KCNQ5: variants seen among roughly 807,000 people sequenced by gnomAD.
The protein encoded by KCNQ5 is potassium voltage-gated channel subfamily Q member 5, also known as potassium voltage-gated channel subfamily KQT member 5.
Under a neutral mutation model 98.2 loss-of-function variants are expected in KCNQ5, and 30 were observed. The observed-to-expected ratio is 0.31, with a 90% confidence interval of 0.23 to 0.41. The LOEUF is 0.41. Ranked by LOEUF, KCNQ5 falls within the 10% of genes least tolerant of loss-of-function variation. The pLI is 1.00. For missense variants in KCNQ5, 835 were observed against 1,182.5 expected, an observed-to-expected ratio of 0.71 and a Z score of 4.31; for synonymous variants, 458 against 449.4, an observed-to-expected ratio of 1.02 and a Z score of -0.24.
At chr6:72,938,635 T>C (rs1389741032) in intron 1 of KCNQ5, among the ~76,000 whole-genome samples, 1 of 152,184 alleles carries the variant, frequency 6.6e-6, no homozygotes, top group Non-Finnish European at 1.5e-5. Context: ...TCTCCCTGCC[T>C]TGGCCTCCCG....
At chr6:72,937,892 C>A (rs1766020319) in intron 1 of KCNQ5, among the ~76,000 whole-genome samples, 1 of 152,062 alleles carries the variant, frequency 6.6e-6, no homozygotes, top group Admixed American at 6.6e-5. Context: ...TAGTCTATCA[C>A]CCTAATTTGA....
intron 1 of KCNQ5, among the ~76,000 whole-genome samples, chr6:72,748,339 G>A (rs971367955): frequency 1.3e-5 from 2 of 152,036 alleles, no homozygotes; most frequent in African/African-American, 2.4e-5. Context: ...ACTGTGCCCT[G>A]GGTTCTTTTT....
chr6:72,793,070 G>C (rs1017975716), intron 1 of KCNQ5, among the ~76,000 whole-genome samples: 1 of 152,190 alleles, frequency 6.6e-6, no homozygotes, highest in Non-Finnish European at 1.5e-5. Flanking sequence ...AGAGCACATA[G>C]GAGATACATA....
intron 11 of KCNQ5, among the ~76,000 whole-genome samples, chr6:73,174,439 G>A (rs963491833): frequency 4.6e-5 from 7 of 152,252 alleles, no homozygotes; most frequent in Non-Finnish European, 7.4e-5. Context: ...TGCTCTTACC[G>A]TCTCTTACTA....
chr6:72,848,360 C>G (rs542526281), intron 1 of KCNQ5, among the ~76,000 whole-genome samples: 1 of 152,224 alleles, frequency 6.6e-6, no homozygotes, highest in Admixed American at 6.5e-5. Context: ...CTCCTCATCC[C>G]CCTACCCCCG....
intron 1 of KCNQ5, among the ~76,000 whole-genome samples, chr6:72,923,367 C>G (rs1319014127): frequency 6.6e-6 from 1 of 152,138 alleles, no homozygotes; most frequent in Non-Finnish European, 1.5e-5. Flanking sequence ...TACATGGGCT[C>G]CCTTTTCTCC....
intron 1 of KCNQ5, among the ~76,000 whole-genome samples, chr6:72,663,851 T>C (rs9293893): frequency 0.052 from 7,904 of 152,242 alleles, 648 homozygotes; most frequent in African/African-American, 0.18. Flanking sequence ...TTTATATGTG[T>C]GTTGACAGTG....
intron 5 of KCNQ5, among the ~76,000 whole-genome samples, chr6:73,094,867 C>G (rs1274412123): frequency 6.6e-6 from 1 of 152,118 alleles, no homozygotes; most frequent in African/African-American, 2.4e-5. Flanking sequence ...TTTCCTTTGT[C>G]TTAACTTTAG....
At chr6:73,165,345 G>T (rs1475309367) in intron 10 of KCNQ5, among the ~76,000 whole-genome samples, 1 of 152,084 alleles carries the variant, frequency 6.6e-6, no homozygotes, top group African/African-American at 2.4e-5. Flanking sequence ...TAACATCTGG[G>T]CATCTCCCAG....
intron 10 of KCNQ5, among the ~76,000 whole-genome samples, chr6:73,165,481 T>A (rs1334789615): frequency 6.6e-6 from 1 of 152,322 alleles, no homozygotes; most frequent in South Asian, 2.1e-4. Flanking sequence ...GTCTGTATAT[T>A]TCCAAGGCTC....
At chr6:73,090,854 A>G (rs1297860292) in intron 5 of KCNQ5, among the ~76,000 whole-genome samples, 1 of 152,212 alleles carries the variant, frequency 6.6e-6, no homozygotes, top group African/African-American at 2.4e-5. Context: ...AGAAATAGGA[A>G]CACTTTTACA....
intron 1 of KCNQ5, among the ~76,000 whole-genome samples, chr6:72,687,747 A>G (rs1267327445): frequency 1.3e-5 from 2 of 152,138 alleles, no homozygotes; most frequent in Admixed American, 6.5e-5. Flanking sequence ...GGCTTTTTCT[A>G]GGAAAAAGAA....
intron 10 of KCNQ5, among the ~76,000 whole-genome samples, chr6:73,167,000 G>A (rs138188888): frequency 1.3e-5 from 2 of 152,208 alleles, no homozygotes; most frequent in Non-Finnish European, 2.9e-5. Context: ...GATGTTCCAC[G>A]TGGACATAAA....
intron 1 of KCNQ5, among the ~76,000 whole-genome samples, chr6:72,922,814 T>TTCTTTTC (rs1402505317): frequency 3.0e-5 from 4 of 133,514 alleles, no homozygotes; most frequent in Admixed American, 7.4e-5. Flanking sequence ...CTTTTTCTTT[T>TTCTTTTC]TTTTTTTTTT....
intron 1 of KCNQ5, among the ~76,000 whole-genome samples, chr6:73,000,248 ACT>A (rs1769501251): frequency 6.6e-6 from 1 of 152,080 alleles, no homozygotes; most frequent in Non-Finnish European, 1.5e-5. Context: ...TACGGGGGTC[ACT>A]CTGTGTCAGT....
chr6:72,923,773 A>G (rs1780508125), intron 1 of KCNQ5, among the ~76,000 whole-genome samples: 1 of 152,146 alleles, frequency 6.6e-6, no homozygotes, highest in East Asian at 1.9e-4. Context: ...TTTAGCTCCC[A>G]CTTATAAGTG....
intron 3 of KCNQ5, among the ~76,000 whole-genome samples, chr6:73,058,726 A>G (rs1772639488): frequency 6.6e-6 from 1 of 152,240 alleles, no homozygotes; most frequent in Non-Finnish European, 1.5e-5. Flanking sequence ...GCAAAAAAAC[A>G]AACAACACCA....
At chr6:72,815,281 G>A (rs1335558241) in intron 1 of KCNQ5, among the ~76,000 whole-genome samples, 1 of 152,128 alleles carries the variant, frequency 6.6e-6, no homozygotes, top group African/African-American at 2.4e-5. Context: ...TTAGAACACA[G>A]CAAATGAGAA....
At chr6:72,945,855 G>C (rs917117977) in intron 1 of KCNQ5, among the ~76,000 whole-genome samples, 9 of 152,082 alleles carry the variant, frequency 5.9e-5, no homozygotes, top group African/African-American at 2.2e-4. Flanking sequence ...AAGAGACTGA[G>C]GGGGAGAAAA....
Sources: allele counts gnomAD v4.1 joint callset (sites outside exome capture counted in the v4.1 genomes callset), GRCh38; gene constraint gnomAD v4.1.1; transcripts MANE v1.5; gene names NCBI Gene and HGNC (gene_info 2026-07-23, HGNC 2026-07-21).